Variants in RIGI observed in about 807,000 individuals in gnomAD.
RIGI encodes the protein antiviral innate immune response receptor RIG-I.
chr9:32,504,896 T>C, the RIGI span, among the ~76,000 whole-genome samples: 12 of 140,464 alleles, frequency 8.5e-5, no homozygotes, highest in Non-Finnish European at 1.7e-4. Flanking sequence ...ATATATAATA[T>C]ATAAAAGTAT....
chr9:32,486,163 A>G, the RIGI span, among the ~76,000 whole-genome samples: 3 of 152,112 alleles, frequency 2.0e-5, no homozygotes, highest in African/African-American at 7.2e-5. Flanking sequence ...AAGTACATGT[A>G]AAGTGTAGCC....
the RIGI span, among the ~76,000 whole-genome samples, chr9:32,468,404 G>T: frequency 2.0e-5 from 3 of 152,164 alleles, no homozygotes; most frequent in African/African-American, 7.2e-5. Flanking sequence ...GGTGGTTCAC[G>T]CCTATAGTCA....
chr9:32,476,759 T>C, the RIGI span, among the ~76,000 whole-genome samples: 2 of 151,822 alleles, frequency 1.3e-5, no homozygotes, highest in African/African-American at 4.8e-5. Context: ...GCCTCCCAAG[T>C]AACTGGAACT....
At chr9:32,503,746 T>C in the RIGI span, among the ~76,000 whole-genome samples, 1 of 152,052 alleles carries the variant, frequency 6.6e-6, no homozygotes, top group African/African-American at 2.4e-5. Flanking sequence ...TCCAAAATAC[T>C]ATAAAAAATC....
At chr9:32,472,240 T>C in the RIGI span, among the ~76,000 whole-genome samples, 1 of 152,250 alleles carries the variant, frequency 6.6e-6, no homozygotes, top group Admixed American at 6.5e-5. Flanking sequence ...TTTCTATTTC[T>C]AGACAATCTT....
At chr9:32,507,636 ATC>A in the RIGI span, among the ~76,000 whole-genome samples, 2 of 151,482 alleles carry the variant, frequency 1.3e-5, no homozygotes, top group East Asian at 1.9e-4. Flanking sequence ...TCCCTTCTTT[ATC>A]TCTTTTTTAT....
At chr9:32,475,541 G>T in the RIGI span, among the ~76,000 whole-genome samples, 1 of 151,874 alleles carries the variant, frequency 6.6e-6, no homozygotes, top group African/African-American at 2.4e-5. Flanking sequence ...AGTTACAAAG[G>T]CAATTCAGTG....
the RIGI span, among the ~76,000 whole-genome samples, chr9:32,522,581 T>C: frequency 6.6e-6 from 1 of 152,178 alleles, no homozygotes; most frequent in Non-Finnish European, 1.5e-5. Flanking sequence ...TATATGTAAC[T>C]GAGGCTTATT....
chr9:32,467,933 C>A, the RIGI span: 3 of 1,582,174 alleles, frequency 1.9e-6, no homozygotes, highest in Non-Finnish European at 2.6e-6. Context: ...AGGGTCATTC[C>A]TGTGTCAGAG....
the RIGI span, chr9:32,480,442 GTTTTAAGAA>G: frequency 7.6e-7 from 1 of 1,315,038 alleles, no homozygotes; most frequent in Non-Finnish European, 1.0e-6. Flanking sequence ...TTAACGAATT[GTTTTAAGAA>G]AACTTTTCTT....
the RIGI span, among the ~76,000 whole-genome samples, chr9:32,483,804 A>G: frequency 2.0e-5 from 3 of 151,972 alleles, no homozygotes; most frequent in Admixed American, 6.6e-5. Flanking sequence ...AGCATTCTAC[A>G]GGACTAATGG....
At chr9:32,466,555 C>G in the RIGI span, 1 of 928,812 alleles carries the variant, frequency 1.1e-6, no homozygotes, top group Admixed American at 2.9e-5. Context: ...TCACTGAATC[C>G]CACTTCCCAG....
At chr9:32,462,240 G>C in the RIGI span, among the ~76,000 whole-genome samples, 1 of 152,094 alleles carries the variant, frequency 6.6e-6, no homozygotes, top group African/African-American at 2.4e-5. Flanking sequence ...CTGTTGGAGA[G>C]TCAGTGTTCT....
At chr9:32,504,471 A>G in the RIGI span, among the ~76,000 whole-genome samples, 1 of 152,058 alleles carries the variant, frequency 6.6e-6, no homozygotes, top group Non-Finnish European at 1.5e-5. Flanking sequence ...TGAGTCCAGG[A>G]GTTCGAGACT....
the RIGI span, among the ~76,000 whole-genome samples, chr9:32,479,951 G>C: frequency 1.3e-5 from 2 of 151,800 alleles, no homozygotes; most frequent in African/African-American, 4.8e-5. Flanking sequence ...CAAAAAGAAT[G>C]CTACTGTCTG....
the RIGI span, among the ~76,000 whole-genome samples, chr9:32,494,661 A>T: frequency 1.3e-5 from 2 of 152,108 alleles, no homozygotes; most frequent in South Asian, 4.1e-4. Context: ...CTAAAACTCT[A>T]TGAAACAACT....
At chr9:32,526,190 T>G in the RIGI span, 4 of 1,591,954 alleles carry the variant, frequency 2.5e-6, no homozygotes, top group African/African-American at 2.7e-5. Flanking sequence ...TGCAGCTAGC[T>G]ACGTTCCCCG....
chr9:32,458,929 AC>A, the RIGI span, among the ~76,000 whole-genome samples: 1 of 132,544 alleles, frequency 7.5e-6, no homozygotes, highest in Non-Finnish European at 1.5e-5. Context: ...TTGCTCTGTC[AC>A]CCAGGCTGGA....
the RIGI span, among the ~76,000 whole-genome samples, chr9:32,471,400 C>T: frequency 6.6e-6 from 1 of 152,152 alleles, no homozygotes; most frequent in Non-Finnish European, 1.5e-5. Flanking sequence ...AGACATCATA[C>T]GTGATTAATT....
Sources: allele counts gnomAD v4.1 joint callset (sites outside exome capture counted in the v4.1 genomes callset), GRCh38; gene constraint gnomAD v4.1.1; transcripts MANE v1.5; gene names NCBI Gene and HGNC (gene_info 2026-07-23, HGNC 2026-07-21).